PKHD1: variants seen among roughly 807,000 people sequenced by gnomAD.
The protein encoded by PKHD1 is fibrocystin.
In PKHD1, 291 loss-of-function variants were observed where a neutral mutation model predicts 412.0. The observed-to-expected ratio is 0.71, with a 90% CI of 0.64 to 0.78. PKHD1 has a LOEUF of 0.78. Ranked by LOEUF, PKHD1 falls within the 30% of genes least tolerant of loss-of-function variation. PKHD1 has a pLI of 0.00. For synonymous variants in PKHD1, 1,777 were observed against 1,821.5 expected, an observed-to-expected ratio of 0.98 and a Z score of 0.62; for missense variants, 4,825 against 4,950.7, an observed-to-expected ratio of 0.97 and a Z score of 0.76.
intron 52 of PKHD1, among the ~76,000 whole-genome samples, chr6:51,816,623 T>C: frequency 6.6e-6 from 1 of 152,254 alleles, no homozygotes; most frequent in Non-Finnish European, 1.5e-5. Flanking sequence ...GACTGTAACC[T>C]ACTCTTGTGC....
intron 1 of PKHD1, among the ~76,000 whole-genome samples, chr6:52,086,523 CTT>C (rs1367665917): frequency 1.3e-5 from 2 of 152,034 alleles, no homozygotes; most frequent in African/African-American, 4.8e-5. Flanking sequence ...TCTGCAAAAA[CTT>C]TGCAATAAAC....
At chr6:51,949,425 C>G (rs1206069934) in intron 36 of PKHD1, among the ~76,000 whole-genome samples, 1 of 152,060 alleles carries the variant, frequency 6.6e-6, no homozygotes, top group South Asian at 2.1e-4. Flanking sequence ...CTGCACTGTG[C>G]TGCTCTGGGA....
rs762949031 is a variant in PKHD1 at position 52,042,920 on chromosome 6, G to T, written c.3036C>A (p.Asp1012Glu). 1 of 1,613,804 alleles carries T rather than the reference G, an allele frequency of 6.2e-7. No homozygotes were observed. ...SGLAISATGE[D>E]LFLNVKPRLD... ...GTCTAGGTTTCACATTTAGGAAGAG[G>T]TCTTCTCCAGTGGCACTGATGGCAA... The change falls in exon 27 of 67, where the codon GAC (aspartate) becomes GAA (glutamate). Residue 1012 changes from aspartate to glutamate, a missense_variant. Asp to Glu is a conservative substitution (Grantham distance 45). Transcript: ENST00000371117.
At chr6:51,681,752 C>G (rs1226661189) in intron 60 of PKHD1, among the ~76,000 whole-genome samples, 6 of 152,066 alleles carry the variant, frequency 3.9e-5, no homozygotes, top group Admixed American at 6.6e-5. Context: ...ATCAGGCCCA[C>G]TGGCTATTGT....
At chr6:51,838,230 T>C (rs369320961) in intron 50 of PKHD1, among the ~76,000 whole-genome samples, 59 of 152,350 alleles carry the variant, frequency 3.9e-4, no homozygotes, top group African/African-American at 1.3e-3. Flanking sequence ...ATAATTAGCT[T>C]TGTCTTCAAA....
chr6:51,704,834 T>C (rs1779827528), intron 60 of PKHD1, among the ~76,000 whole-genome samples: 1 of 152,008 alleles, frequency 6.6e-6, no homozygotes. Context: ...ACAGACCTGA[T>C]AGTTGAAGGC....
intron 48 of PKHD1, among the ~76,000 whole-genome samples, chr6:51,860,295 C>T (rs999502305): frequency 6.6e-6 from 1 of 152,122 alleles, no homozygotes; most frequent in African/African-American, 2.4e-5. Context: ...CACCAGGGGC[C>T]AAAAATTCAG....
At chr6:51,649,811 G>A (rs566642158) in intron 61 of PKHD1, among the ~76,000 whole-genome samples, 18 of 152,230 alleles carry the variant, frequency 1.2e-4, no homozygotes, top group Non-Finnish European at 2.4e-4. Flanking sequence ...TTTTCCGAGT[G>A]TGTTTGTACT....
At chr6:51,796,110 G>T (rs1226010180) in intron 52 of PKHD1, among the ~76,000 whole-genome samples, 1 of 152,158 alleles carries the variant, frequency 6.6e-6, no homozygotes, top group African/African-American at 2.4e-5. Context: ...AACTCTGGTA[G>T]AATTCAGCTG....
At chr6:51,669,002 G>T (rs959661676) in intron 60 of PKHD1, among the ~76,000 whole-genome samples, 1 of 152,124 alleles carries the variant, frequency 6.6e-6, no homozygotes, top group African/African-American at 2.4e-5. Flanking sequence ...TTGGTCTAAA[G>T]TTCTCTTTTT....
intron 65 of PKHD1, among the ~76,000 whole-genome samples, chr6:51,631,932 T>C (rs548582542): frequency 1.3e-5 from 2 of 150,786 alleles, no homozygotes; most frequent in East Asian, 1.9e-4. Context: ...GGATTCTTTT[T>C]TTTTTTCTTT....
intron 35 of PKHD1, among the ~76,000 whole-genome samples, chr6:51,999,424 T>C (rs1006962669): frequency 6.6e-6 from 1 of 152,214 alleles, no homozygotes; most frequent in African/African-American, 2.4e-5. Context: ...ACTTTTAATA[T>C]CTGAATAACC....
chr6:52,071,063 T>C lies in PKHD1; in HGVS notation c.610A>G (p.Ile204Val). Reference sequence around the variant, plus strand: ...GTCCCAAGACCATGGTCCTCCTGAATAGGATAACTAAGGAAAAGACAAACT... The same window carrying C: ...GTCCCAAGACCATGGTCCTCCTGAACAGGATAACTAAGGAAAAGACAAACT... The part of the protein sequence containing the change: ...INRQMGSCYP[I>V]QEDHGLGTLQ... The change falls in exon 9 of 67, where the codon ATT (isoleucine) becomes GTT (valine). Residue 204 changes from isoleucine to valine, a missense_variant. Ile to Val is a conservative substitution (Grantham distance 29). Transcript: ENST00000371117. 1 of 1,598,400 alleles carries C rather than the reference T, an allele frequency of 6.3e-7. No individual in the cohort carries two copies. The highest frequency in any genetic ancestry group is 8.6e-7 in the Non-Finnish European group (1 of 1,165,884).
intron 35 of PKHD1, 34 bp from the exon 36 acceptor site, chr6:51,960,060 T>G (rs1348025682): frequency 6.2e-7 from 1 of 1,611,368 alleles, no homozygotes; most frequent in East Asian, 2.2e-5. Context: ...GTGGGTTGGT[T>G]GGTTGGTTGG....
At position 51,875,040 on chromosome 6, in the gene PKHD1, T is replaced by A. The variant is rs1340471473; in HGVS notation, c.7351-4401A>T. Among the ~76,000 whole-genome samples the A allele has an allele frequency of 4.7e-5, 2 of 42,368 alleles. 1 individual carries two copies. The highest frequency in any genetic ancestry group is 2.2e-4 in the African/African-American group (2 of 9,138). 27.8% of individuals were successfully genotyped at this position (42,368 alleles called of 152,430 possible). A position where few individuals can be genotyped will look rare whatever the true frequency, so the allele number is the denominator to read the frequency against. On this transcript the variant is annotated intron_variant, in intron 46 of 66. Coordinates refer to ENST00000371117, the MANE Select transcript of PKHD1 (RefSeq NM_138694.4). ...AAATCGGGTCACTCCCACCCAAATATTGCGCTTTTCAGACCGGCTTAAGAA... is the reference window on the plus strand; with the variant it reads ...AAATCGGGTCACTCCCACCCAAATAATGCGCTTTTCAGACCGGCTTAAGAA...
intron 52 of PKHD1, among the ~76,000 whole-genome samples, chr6:51,792,566 G>A (rs1449151897): frequency 6.6e-6 from 1 of 152,208 alleles, no homozygotes; most frequent in Non-Finnish European, 1.5e-5. Context: ...TTCACAGTTA[G>A]ACTACAGTTT....
chr6:51,885,617 G>C (rs1778080834), intron 45 of PKHD1, among the ~76,000 whole-genome samples: 1 of 152,028 alleles, frequency 6.6e-6, no homozygotes, highest in Non-Finnish European at 1.5e-5. Flanking sequence ...TTCTCTTCTA[G>C]GGTTGCCAAA....
chr6:52,022,782 G>T lies in PKHD1; in HGVS notation c.5380+19C>A, dbSNP rs1408345778. 2 of 1,611,800 alleles carry T rather than the reference G, an allele frequency of 1.2e-6. No individual in the cohort carries two copies. Among genetic ancestry groups the T allele is most frequent in the East Asian group, 2.2e-5 (1 of 44,852 alleles). On this transcript the variant is annotated intron_variant, in intron 33 of 66. Transcript: ENST00000371117. ...CATATATATGCTTTAAAATATATGT[G>T]TGTGGCATCTTTACTCACCATCCAG...
In PKHD1 at chr6:51,616,743, G is replaced by A. The variant is rs1254408958; in HGVS notation, c.*2338C>T. On this transcript the variant is annotated 3_prime_UTR_variant, in exon 67 of 67. Coordinates refer to ENST00000371117, the MANE Select transcript of PKHD1 (RefSeq NM_138694.4). ...ATAATTATGGTTATTCCTACGCAGA[G>A]GGATAGGATAAAACATGCCTCCCAG... The A allele has an allele frequency of 2.5e-6, 1 of 398,350 alleles. No homozygotes were observed. 24.7% of individuals were successfully genotyped at this position (398,350 alleles called of 1,614,324 possible).
Sources: allele counts gnomAD v4.1 joint callset (sites outside exome capture counted in the v4.1 genomes callset), GRCh38; gene constraint gnomAD v4.1.1; transcripts MANE v1.5; gene names NCBI Gene and HGNC (gene_info 2026-07-23, HGNC 2026-07-21).